DNAH10: variants seen among roughly 807,000 people sequenced by gnomAD.
The protein encoded by DNAH10 is dynein axonemal heavy chain 10.
In DNAH10, 348 loss-of-function variants were observed where a neutral mutation model predicts 506.6. The ratio of observed to expected loss-of-function variants is 0.69; its 90% CI spans 0.63 to 0.75. The LOEUF is 0.75. DNAH10 is among the 30% of genes least tolerant of loss of function. DNAH10 has a pLI of 0.00. For missense variants in DNAH10, 5,179 were observed against 5,787.1 expected (o/e 0.89, Z 3.41); for synonymous variants, 2,059 against 2,198.6 (o/e 0.94, Z 1.78).
intron 43 of DNAH10, among the ~76,000 whole-genome samples, chr12:123,869,191 G>A (rs1434482503): frequency 6.6e-6 from 1 of 152,170 alleles, no homozygotes; most frequent in Non-Finnish European, 1.5e-5. Context: ...CGGGCCACAT[G>A]TGTTTCTGTT....
chr12:123,898,048 A>G, intron 55 of DNAH10, 81 bp downstream of exon 55: 2 of 1,336,926 alleles, frequency 1.5e-6, no homozygotes, highest in Non-Finnish European at 2.0e-6. Flanking sequence ...TTTCTTTAGT[A>G]AGATGGGGCA....
intron 29 of DNAH10, among the ~76,000 whole-genome samples, chr12:123,839,481 A>G (rs990246946): frequency 4.2e-4 from 64 of 152,276 alleles, no homozygotes; most frequent in Admixed American, 1.6e-3. Context: ...GTTACTATTT[A>G]TAAAGTACTT....
In DNAH10 at chr12:123,789,076, T is replaced by C. The variant is rs530129705; in HGVS notation, c.1621-851T>C. ...TAGACTGACCAACATGGTGAAACCCTGTCTCTATGAAAAATACAAAAATTA... is the reference window on the plus strand; with the variant it reads ...TAGACTGACCAACATGGTGAAACCCCGTCTCTATGAAAAATACAAAAATTA... On this transcript the variant is annotated intron_variant, in intron 10 of 78. Coordinates refer to ENST00000673944, the MANE Select transcript of DNAH10 (RefSeq NM_001372106.1). 3.7e-4 allele frequency among the ~76,000 whole-genome samples: 57 copies of C among 152,122 alleles called. No homozygotes were observed. The South Asian group carries it at 0.011, about 28-fold the overall frequency.
At chr12:123,874,464 C>A (rs1035962144) in intron 46 of DNAH10, among the ~76,000 whole-genome samples, 2 of 152,072 alleles carry the variant, frequency 1.3e-5, no homozygotes, top group Non-Finnish European at 2.9e-5. Flanking sequence ...TCCATCTATT[C>A]TTCTTTTTGC....
chr12:123,855,206 G>A (rs1423915068), intron 36 of DNAH10, among the ~76,000 whole-genome samples: 5 of 152,146 alleles, frequency 3.3e-5, no homozygotes, highest in African/African-American at 1.2e-4. Flanking sequence ...GGGTAGAGAA[G>A]ACATACCCAC....
At chr12:123,765,226 TGCAGTA>T (rs1340725055) in intron 1 of DNAH10, among the ~76,000 whole-genome samples, 20 of 152,190 alleles carry the variant, frequency 1.3e-4, no homozygotes, top group African/African-American at 4.6e-4. Flanking sequence ...AAGATACTGA[TGCAGTA>T]GGTACATGTG....
rs758005849 is a variant in DNAH10, at chr12:123,919,312, C to G, written c.11506+363C>G. Among the ~76,000 whole-genome samples the G allele has an allele frequency of 6.6e-6, 1 of 152,146 alleles. No individual in the cohort carries two copies. Among genetic ancestry groups the G allele is most frequent in the East Asian group, 1.9e-4 (1 of 5,174 alleles). On this transcript the variant is annotated intron_variant, in intron 65 of 78. Coordinates refer to ENST00000673944, the MANE Select transcript of DNAH10 (RefSeq NM_001372106.1). This position sits in a 1 kb window ranked among gnomAD's most constrained non-coding sequence, Gnocchi z 4.9. ...CTGGTCTCGAACTCCTGAGCTCAAA[C>G]GATCCACCCACCTTGGCCTCCTGAA...
chr12:123,869,825 C>A (rs1951957124), intron 43 of DNAH10, among the ~76,000 whole-genome samples: 2 of 152,222 alleles, frequency 1.3e-5, no homozygotes, highest in Admixed American at 1.3e-4. Context: ...CTTGCATGGC[C>A]TGAGCGGAGG....
At chr12:123,908,100 TCC>T in intron 57 of DNAH10, among the ~76,000 whole-genome samples, 2 of 123,556 alleles carry the variant, frequency 1.6e-5, no homozygotes, top group African/African-American at 3.4e-5. Flanking sequence ...CCTCCCTGTC[TCC>T]CTGTCTCCTC....
chr12:123,866,538 A>G lies in DNAH10; in HGVS notation c.7167+465A>G, dbSNP rs536065447. On this transcript the variant is annotated intron_variant, in intron 41 of 78. Transcript: ENST00000673944. ...GATTACAGGCGTGAGCCACCGACAC[A>G]CCGACACACTTATTTAATTTCAGAT... Among the ~76,000 whole-genome samples the G allele has an allele frequency of 1.1e-3, 175 of 152,218 alleles. 1 individual carries two copies. Among genetic ancestry groups the G allele is most frequent in the African/African-American group, 4.2e-3 (173 of 41,556 alleles).
chr12:123,902,866 C>G lies in DNAH10; in HGVS notation c.9641-73C>G. 2.0e-6 allele frequency: 3 copies of G among 1,489,348 alleles called. No homozygotes were observed. The highest frequency in any genetic ancestry group is 2.7e-6 in the Non-Finnish European group (3 of 1,114,114). 92.3% of individuals were successfully genotyped at this position (1,489,348 alleles called of 1,614,324 possible). A position where few individuals can be genotyped will look rare whatever the true frequency, so the allele number is the denominator to read the frequency against. ...CAAGCCAACCTTTGAGGACTGCACT[C>G]TGCTCAGAGCCGGGGCCGCGAGTGC... On this transcript the variant is annotated intron_variant, in intron 56 of 78. Coordinates refer to ENST00000673944, the MANE Select transcript of DNAH10 (RefSeq NM_001372106.1). The surrounding 1 kb of genome is among the most constrained non-coding windows in gnomAD (Gnocchi z 4.5).
intron 2 of DNAH10, among the ~76,000 whole-genome samples, chr12:123,769,282 A>G (rs1593960649): frequency 6.7e-6 from 1 of 150,186 alleles, no homozygotes; most frequent in African/African-American, 2.4e-5. Flanking sequence ...AGTAGCTGGG[A>G]CTGCAGGCAC....
intron 51 of DNAH10, among the ~76,000 whole-genome samples, chr12:123,884,879 A>G (rs1298329110): frequency 6.6e-6 from 1 of 152,206 alleles, no homozygotes; most frequent in Non-Finnish European, 1.5e-5. Flanking sequence ...AAAGATTGCC[A>G]CTGTTAGGTA....
chr12:123,830,805 C>T (rs1309359625), intron 26 of DNAH10, 106 bp downstream of exon 26: 7 of 1,154,988 alleles, frequency 6.1e-6, no homozygotes, highest in East Asian at 2.7e-5. Context: ...ATTAGCTGAG[C>T]GTGGTGGTAT....
chr12:123,817,663 G>C (rs78440621), intron 21 of DNAH10, among the ~76,000 whole-genome samples: 18,080 of 152,070 alleles, frequency 0.12, 1,234 homozygotes, highest in African/African-American at 0.19. Context: ...TTTATGTTGT[G>C]TGTGAATCTC....
chr12:123,916,827 C>A lies in DNAH10; in HGVS notation c.11002+91C>A. 1 of 1,437,530 alleles carries A rather than the reference C, an allele frequency of 7.0e-7. No homozygotes were observed. Among genetic ancestry groups the A allele is most frequent in the Non-Finnish European group, 9.3e-7 (1 of 1,075,756 alleles). The allele number at this position is 1,437,530 out of a possible 1,614,324, so 89.0% of individuals were successfully genotyped here. ...AAGGCATTCATGGGACATCATTTCA[C>A]TCAGTGACCCCAGATCATTCTCTCA... On this transcript the variant is annotated intron_variant, in intron 63 of 78. Coordinates refer to ENST00000673944, the MANE Select transcript of DNAH10 (RefSeq NM_001372106.1). The surrounding 1 kb of genome is among the most constrained non-coding windows in gnomAD (Gnocchi z 4.6).
intron 1 of DNAH10, among the ~76,000 whole-genome samples, chr12:123,763,273 A>G (rs1012721455): frequency 6.6e-6 from 1 of 152,148 alleles, no homozygotes; most frequent in African/African-American, 2.4e-5. Flanking sequence ...CTGAGAGGGC[A>G]GGGAGGGGCC....
intron 24 of DNAH10, among the ~76,000 whole-genome samples, chr12:123,821,499 C>CT (rs1387651553): frequency 6.6e-6 from 1 of 151,990 alleles, no homozygotes; most frequent in Non-Finnish European, 1.5e-5. Flanking sequence ...CCCAGCTATT[C>CT]TTTTTTTAGT....
At chr12:123,852,129 C>T (rs1489103685) in intron 35 of DNAH10, among the ~76,000 whole-genome samples, 2 of 152,182 alleles carry the variant, frequency 1.3e-5, no homozygotes, top group African/African-American at 4.8e-5. Flanking sequence ...AACCCCTGAT[C>T]TATTCTTCAG....
Sources: gnomAD v4.1 joint callset for allele counts (sites outside exome capture counted in the v4.1 genomes callset) on GRCh38, gnomAD v4.1.1 for gene constraint, Gnocchi (gnomAD v3.1) non-coding constraint, MANE v1.5 for transcripts, NCBI Gene and HGNC (gene_info 2026-07-23, HGNC 2026-07-21) for gene names.